The following RPS12 variants were observed in gnomAD, a reference collection of about 807,000 sequenced individuals.
The protein encoded by RPS12 is ribosomal protein S12.
Under a neutral mutation model 17.2 loss-of-function variants are expected in RPS12, and 1 was observed. The ratio of observed to expected loss-of-function variants is 0.06; its 90% CI spans 0.02 to 0.28. RPS12 has a LOEUF of 0.28. Ranked by LOEUF, RPS12 falls within the 10% of genes least tolerant of loss-of-function variation. RPS12 has a pLI of 1.00. For missense variants in RPS12, 146 were observed against 162.1 expected, an observed-to-expected ratio of 0.90 and a Z score of 0.54; for synonymous variants, 67 against 54.0, an observed-to-expected ratio of 1.24 and a Z score of -1.06.
rs553955442 is a variant in RPS12, at chr6:132,817,163, C to G, written c.336+102C>G. On this transcript the variant is annotated intron_variant, in intron 5 of 5. Transcript: ENST00000230050. ...ATCTTATAAAAGGAAAAAACTGATT[C>G]AACAGGTTTAAAGCATTTTCTGCAT... is the stretch of plus-strand genomic sequence containing the variant. 1.8e-4 allele frequency: 155 copies of G among 852,990 alleles called. No homozygotes were observed. In the African/African-American group the frequency reaches 2.0e-3, roughly 11 times the overall value. The allele number at this position is 852,990 out of a possible 1,614,324, so 52.8% of individuals were successfully genotyped here. A position where few individuals can be genotyped will look rare whatever the true frequency, so the allele number is the denominator to read the frequency against.
At chr6:132,815,215 C>A (rs754681103) in intron 3 of RPS12, 127 bp downstream of exon 3, 64 of 752,872 alleles carry the variant, frequency 8.5e-5, no homozygotes, top group Middle Eastern at 2.3e-4. Flanking sequence ...TACCGGAAAC[C>A]TAGGAAAAGG....
chr6:132,816,862 C>A, intron 4 of RPS12, 98 bp from the exon 5 acceptor site: 1 of 855,762 alleles, frequency 1.2e-6, no homozygotes. Flanking sequence ...TGCCATGTCA[C>A]CCTTCTGATT....
At chr6:132,816,720 A>G in intron 4 of RPS12, 157 bp downstream of exon 4, 1 of 769,824 alleles carries the variant, frequency 1.3e-6, no homozygotes, top group Non-Finnish European at 2.4e-6. Context: ...AGGTAGAAGC[A>G]TTTTATACCT....
intron 3 of RPS12, chr6:132,815,290 G>T (rs749677982): frequency 1.4e-6 from 1 of 738,386 alleles, no homozygotes; most frequent in African/African-American, 1.7e-5. Context: ...ATGGGGATAA[G>T]CACTCAAAAC....
intron 2 of RPS12, 68 bp downstream of exon 2, chr6:132,814,850 G>C: frequency 6.7e-7 from 1 of 1,500,416 alleles, no homozygotes. Context: ...AGAGCTGGCG[G>C]AACAGGACTG....
intron 4 of RPS12, 128 bp from the exon 5 acceptor site, chr6:132,816,832 C>G (rs1782073595): frequency 1.3e-6 from 1 of 786,140 alleles, no homozygotes; most frequent in South Asian, 1.3e-5. Flanking sequence ...GCTCCCTCTA[C>G]TGAACTGCCA....
chr6:132,815,576 G>T (rs1265407638), intron 3 of RPS12: 2 of 451,256 alleles, frequency 4.4e-6, no homozygotes, highest in Non-Finnish European at 8.9e-6. Context: ...ATTTGTTAAT[G>T]TATTTGAATG....
chr6:132,815,995 C>T (rs1458873842), intron 3 of RPS12: 1 of 439,060 alleles, frequency 2.3e-6, no homozygotes, highest in Admixed American at 2.6e-5. Context: ...CCATGCCCAG[C>T]TAGTTTTTGT....
At chr6:132,817,218 C>CA (rs1782083095) in intron 5 of RPS12, 157 bp downstream of exon 5, 1 of 771,180 alleles carries the variant, frequency 1.3e-6, no homozygotes, top group Non-Finnish European at 2.3e-6. Context: ...CTGTAATTTA[C>CA]AAGCCAGCCA....
In RPS12 at chr6:132,814,827, G is replaced by T. The variant is rs772759849; in HGVS notation, c.14+45G>T. The T allele has an allele frequency of 1.9e-6, 3 of 1,560,318 alleles. No individual in the cohort carries two copies. In the South Asian group the frequency reaches 3.3e-5, roughly 17 times the overall value. Reference sequence around the variant, plus strand: ...TTGGAGTTGGGGTCGGGGTGCGGCTGAGGCGTGGGGCTAGAGCTGGCGGAA... The same window carrying T: ...TTGGAGTTGGGGTCGGGGTGCGGCTTAGGCGTGGGGCTAGAGCTGGCGGAA... On this transcript the variant is annotated intron_variant, in intron 2 of 5. Coordinates refer to ENST00000230050, the MANE Select transcript of RPS12 (RefSeq NM_001016.4).
intron 5 of RPS12, 48 bp downstream of exon 5, chr6:132,817,109 A>G: frequency 8.6e-7 from 1 of 1,167,128 alleles, no homozygotes; most frequent in South Asian, 1.2e-5. Context: ...GGGTAATCAT[A>G]TAAAACCTTG....
At chr6:132,815,293 C>G in intron 3 of RPS12, 1 of 737,184 alleles carries the variant, frequency 1.4e-6, no homozygotes, top group Admixed American at 1.7e-5. Context: ...GGGATAAGCA[C>G]TCAAAACTAC....
chr6:132,816,839 G>A (rs1327124143), intron 4 of RPS12, 121 bp from the exon 5 acceptor site: 2 of 793,394 alleles, frequency 2.5e-6, no homozygotes, highest in South Asian at 1.3e-5. Flanking sequence ...CTACTGAACT[G>A]CCATGAGGAA....
At chr6:132,814,895 C>T (rs1296086506) in intron 2 of RPS12, 77 bp from the exon 3 acceptor site, 13 of 1,404,740 alleles carry the variant, frequency 9.3e-6, no homozygotes, top group South Asian at 2.3e-5. Context: ...GTCTGTTGTA[C>T]ACTTAGCTTT....
At chr6:132,816,379 C>T in intron 3 of RPS12, 82 bp from the exon 4 acceptor site, 1 of 1,032,478 alleles carries the variant, frequency 9.7e-7, no homozygotes, top group Non-Finnish European at 1.5e-6. Context: ...AGTGTTAGTG[C>T]AAAGATAACC....
chr6:132,815,127 C>A, intron 3 of RPS12, 39 bp downstream of exon 3: 1 of 1,277,822 alleles, frequency 7.8e-7, no homozygotes, highest in Non-Finnish European at 1.1e-6. Flanking sequence ...TTCTTGCAAC[C>A]GGAACAAAAC....
intron 5 of RPS12, 46 bp from the exon 6 acceptor site, chr6:132,817,434 C>G (rs745791250): frequency 4.0e-6 from 5 of 1,248,726 alleles, no homozygotes; most frequent in Non-Finnish European, 5.8e-6. Flanking sequence ...TGGTGAAATT[C>G]CTAAATATTA....
chr6:132,816,615 T>C (rs773947542), intron 4 of RPS12, 52 bp downstream of exon 4: 1 of 1,205,048 alleles, frequency 8.3e-7, no homozygotes, highest in South Asian at 1.2e-5. Context: ...TGCTTGTATA[T>C]GGGGGTAAAT....
intron 3 of RPS12, chr6:132,815,551 A>G (rs1562280347): frequency 2.3e-6 from 1 of 435,318 alleles, no homozygotes; most frequent in Non-Finnish European, 4.6e-6. Context: ...GCTGTGATTT[A>G]TTTGAATTTG....
Sources: allele counts gnomAD v4.1 joint callset, GRCh38; gene constraint gnomAD v4.1.1; transcripts MANE v1.5; gene names NCBI Gene and HGNC (gene_info 2026-07-23, HGNC 2026-07-21).